Variants in EYS observed in about 807,000 individuals in gnomAD.
The protein encoded by EYS is EGF-like photoreceptor maintenance factor.
A neutral mutation model predicts 282.1 loss-of-function variants in EYS; 250 were observed. The ratio of observed to expected loss-of-function variants is 0.89; its 90% CI spans 0.80 to 0.98. The LOEUF is 0.98. Among genes scored for constraint, EYS ranks in the 50% least tolerant of loss-of-function variants. EYS has a pLI of 0.00. For missense variants in EYS, 4,016 were observed against 3,709.0 expected (o/e 1.08, Z -2.15); for synonymous variants, 1,355 against 1,282.9 (o/e 1.06, Z -1.20).
chr6:64,693,735 G>T (rs770840410), intron 22 of EYS, among the ~76,000 whole-genome samples: 1 of 151,854 alleles, frequency 6.6e-6, no homozygotes, highest in Non-Finnish European at 1.5e-5. Flanking sequence ...CACAAATAGC[G>T]TAGCCATTAA....
chr6:65,182,877 C>T (rs554100279), intron 12 of EYS, among the ~76,000 whole-genome samples: 4 of 151,976 alleles, frequency 2.6e-5, no homozygotes, highest in East Asian at 3.9e-4. Flanking sequence ...CATCCTTGAC[C>T]TCTCTGGCTC....
At chr6:65,071,126 C>A (rs73765749) in intron 12 of EYS, among the ~76,000 whole-genome samples, 4,485 of 151,256 alleles carry the variant, frequency 0.03, 224 homozygotes, top group African/African-American at 0.1. Context: ...TAAAGCCAAA[C>A]AAAAGGAATG....
intron 40 of EYS, among the ~76,000 whole-genome samples, chr6:63,768,493 C>T (rs1027087918): frequency 3.9e-5 from 6 of 152,118 alleles, no homozygotes; most frequent in South Asian, 2.1e-4. Context: ...CATCACTAAT[C>T]GTTAGAGAAA....
chr6:64,479,015 T>C (rs987377797), intron 26 of EYS, among the ~76,000 whole-genome samples: 2 of 151,968 alleles, frequency 1.3e-5, no homozygotes, highest in Non-Finnish European at 2.9e-5. Flanking sequence ...CCCAGAAGTT[T>C]ATTCAATGTC....
chr6:64,658,291 G>A (rs1768837005), intron 22 of EYS, among the ~76,000 whole-genome samples: 1 of 138,422 alleles, frequency 7.2e-6, no homozygotes, highest in African/African-American at 2.8e-5. Flanking sequence ...TCTTTGCCAT[G>A]GGTTCGAACT....
chr6:64,123,096 T>A (rs940845926), intron 31 of EYS, among the ~76,000 whole-genome samples: 1 of 152,172 alleles, frequency 6.6e-6, no homozygotes, highest in African/African-American at 2.4e-5. Context: ...ATATGCTTTT[T>A]GAAGCTGAAG....
intron 30 of EYS, among the ~76,000 whole-genome samples, chr6:64,296,594 ATATATTTTT>A (rs1561913882): frequency 8.2e-4 from 4 of 4,878 alleles, no homozygotes; most frequent in African/African-American, 1.9e-3. Context: ...ACATATATAT[ATATATTTTT>A]TTTTTTTTTT....
chr6:64,538,326 C>A (rs1764592702), intron 26 of EYS, among the ~76,000 whole-genome samples: 2 of 152,120 alleles, frequency 1.3e-5, no homozygotes, highest in South Asian at 2.1e-4. Flanking sequence ...CTATTGATAA[C>A]TAAAGTTGAA....
chr6:64,334,219 A>C (rs1483188485), intron 29 of EYS, among the ~76,000 whole-genome samples: 1 of 152,152 alleles, frequency 6.6e-6, no homozygotes, highest in East Asian at 1.9e-4. Flanking sequence ...AACTGTTTGG[A>C]GAGCACCTGC....
chr6:64,526,542 G>A (rs1474793381), intron 26 of EYS, among the ~76,000 whole-genome samples: 1 of 151,566 alleles, frequency 6.6e-6, no homozygotes, highest in Non-Finnish European at 1.5e-5. Flanking sequence ...ATTTAACATA[G>A]GTTGTACCAT....
At chr6:63,968,151 T>C (rs1314066805) in intron 35 of EYS, among the ~76,000 whole-genome samples, 3 of 152,220 alleles carry the variant, frequency 2.0e-5, no homozygotes, top group Non-Finnish European at 4.4e-5. Flanking sequence ...TCTTCTATAT[T>C]TATATGTGCT....
At chr6:65,297,392 C>T (rs140979552) in intron 11 of EYS, among the ~76,000 whole-genome samples, 5 of 151,798 alleles carry the variant, frequency 3.3e-5, no homozygotes, top group South Asian at 2.1e-4. Context: ...TGACGGTAAG[C>T]GTTTGGAGCC....
chr6:64,729,446 A>T (rs969134059), intron 22 of EYS, among the ~76,000 whole-genome samples: 3 of 152,194 alleles, frequency 2.0e-5, no homozygotes, highest in Non-Finnish European at 4.4e-5. Flanking sequence ...TGCTTGTGTG[A>T]TTTGACTTGG....
At chr6:65,247,263 A>G (rs1767203720) in intron 12 of EYS, among the ~76,000 whole-genome samples, 1 of 151,928 alleles carries the variant, frequency 6.6e-6, no homozygotes, top group African/African-American at 2.4e-5. Flanking sequence ...TGACTCAAGG[A>G]TTGTTTATGT....
At chr6:65,375,418 A>G (rs1398599247) in intron 8 of EYS, among the ~76,000 whole-genome samples, 2 of 152,152 alleles carry the variant, frequency 1.3e-5, no homozygotes, top group Non-Finnish European at 2.9e-5. Flanking sequence ...AGATAAATCC[A>G]TGGAGATGAG....
intron 18 of EYS, among the ~76,000 whole-genome samples, chr6:64,897,868 C>A (rs1446579937): frequency 6.6e-6 from 1 of 152,006 alleles, no homozygotes; most frequent in Non-Finnish European, 1.5e-5. Context: ...GATTGAAGAT[C>A]AACTTAGTGA....
At chr6:65,704,296 C>T (rs1338708498) in intron 1 of EYS, among the ~76,000 whole-genome samples, 1 of 152,298 alleles carries the variant, frequency 6.6e-6, no homozygotes, top group East Asian at 1.9e-4. Flanking sequence ...CTATTGTCTC[C>T]ATTTCATAAA....
At chr6:64,333,997 T>G (rs1288161409) in intron 29 of EYS, among the ~76,000 whole-genome samples, 4 of 152,172 alleles carry the variant, frequency 2.6e-5, no homozygotes, top group Non-Finnish European at 5.9e-5. Context: ...GTTTAGCTAT[T>G]AAGGAACCCC....
intron 12 of EYS, among the ~76,000 whole-genome samples, chr6:65,134,408 G>C (rs1389972021): frequency 6.6e-6 from 1 of 151,908 alleles, no homozygotes; most frequent in Non-Finnish European, 1.5e-5. Flanking sequence ...TAAAATACCA[G>C]ATAGCCTTAA....
Sources: gnomAD v4.1 joint callset for allele counts (sites outside exome capture counted in the v4.1 genomes callset) on GRCh38, gnomAD v4.1.1 for gene constraint, MANE v1.5 for transcripts, NCBI Gene and HGNC (gene_info 2026-07-23, HGNC 2026-07-21) for gene names.